The following TUT4 variants were observed in gnomAD, a reference collection of about 807,000 sequenced individuals.
TUT4 encodes terminal uridylyl transferase 4.
A neutral mutation model predicts 192.2 loss-of-function variants in TUT4; 36 were observed. That is an observed-to-expected ratio of 0.19 (90% CI 0.14 to 0.25). TUT4 has a LOEUF of 0.25. Ranked by LOEUF, TUT4 falls within the 10% of genes least tolerant of loss-of-function variation. The pLI, the probability that TUT4 is intolerant of heterozygous loss-of-function variation, is 1.00. For synonymous variants in TUT4, 618 were observed against 666.0 expected, an observed-to-expected ratio of 0.93 and a Z score of 1.11; for missense variants, 1,493 against 1,957.2, an observed-to-expected ratio of 0.76 and a Z score of 4.47.
intron 2 of TUT4, 68 bp from the exon 3 acceptor site, chr1:52,516,122 CA>C (rs1466720050): frequency 8.0e-7 from 1 of 1,246,396 alleles, no homozygotes; most frequent in Non-Finnish European, 1.1e-6. Flanking sequence ...TAATGGAAAA[CA>C]GACATTAAAT....
intron 3 of TUT4, among the ~76,000 whole-genome samples, chr1:52,510,976 A>T (rs1293072239): frequency 6.6e-6 from 1 of 152,218 alleles, no homozygotes; most frequent in African/African-American, 2.4e-5. Flanking sequence ...AAACTTTAGC[A>T]ATGCTTAGTT....
rs1666610953 is a variant in TUT4 at position 52,474,510 on chromosome 1, G to A, written c.2727+322C>T. Among the ~76,000 whole-genome samples, 4 of 151,790 alleles carry A rather than the reference G, an allele frequency of 2.6e-5. No individual in the cohort carries two copies. In the South Asian group the frequency reaches 8.3e-4, roughly 32 times the overall value. On this transcript the variant is annotated intron_variant, in intron 13 of 29. Transcript: ENST00000257177. ...AATAAGCTTGAATGTGGCTTTTGTT[G>A]GGGAAAAAAATACAAAATAAGCAAC...
chr1:52,462,682 G>A, intron 16 of TUT4: 1 of 974,520 alleles, frequency 1.0e-6, no homozygotes, highest in Non-Finnish European at 1.2e-6. Flanking sequence ...AAATCTGTGA[G>A]TTATTTATTA....
chr1:52,491,766 A>G (rs1671222697), intron 7 of TUT4, among the ~76,000 whole-genome samples: 1 of 151,070 alleles, frequency 6.6e-6, no homozygotes, highest in Non-Finnish European at 1.5e-5. Context: ...AAATTTCTCA[A>G]TAGTACTTGT....
At chr1:52,455,946 C>T (rs920486191) in intron 20 of TUT4, among the ~76,000 whole-genome samples, 18 of 152,298 alleles carry the variant, frequency 1.2e-4, no homozygotes, top group Middle Eastern at 3.4e-3. Flanking sequence ...CCTTCGTATT[C>T]ACCCAAAAGA....
chr1:52,548,066 A>T (rs1472675716), intron 1 of TUT4, among the ~76,000 whole-genome samples: 1 of 152,186 alleles, frequency 6.6e-6, no homozygotes, highest in Non-Finnish European at 1.5e-5. Flanking sequence ...TAGCCATCAA[A>T]GCAATAAAGT....
At chr1:52,459,025 A>G (rs1185708021) in intron 19 of TUT4, among the ~76,000 whole-genome samples, 4 of 152,184 alleles carry the variant, frequency 2.6e-5, no homozygotes, top group African/African-American at 9.7e-5. Flanking sequence ...TAAAAAAAGA[A>G]CGAAGTCCCC....
chr1:52,504,687 A>G (rs528838147), intron 4 of TUT4, among the ~76,000 whole-genome samples: 4 of 152,274 alleles, frequency 2.6e-5, no homozygotes, highest in African/African-American at 7.2e-5. Context: ...ACCAAATACT[A>G]TAACACAGAA....
chr1:52,552,643 G>A (rs533718132), intron 1 of TUT4, among the ~76,000 whole-genome samples: 1 of 152,332 alleles, frequency 6.6e-6, no homozygotes, highest in Non-Finnish European at 1.5e-5. Context: ...GGGACCGGGA[G>A]CCCCAGCCAC....
Position 52,425,402 on chromosome 1 carries a change from A to T in TUT4, c.4817T>A (p.Phe1606Tyr), listed in dbSNP as rs140648668. 2.5e-6 allele frequency: 4 copies of T among 1,613,956 alleles called. No individual in the cohort carries two copies. The highest frequency in any genetic ancestry group is 1.3e-5 in the African/African-American group (1 of 74,918). Residue 1606 changes from phenylalanine (F) to tyrosine (Y), a missense_variant, in exon 29 of 30, where the codon TTC becomes TAC. Around this residue, in one of 7 missense-constraint regions of TUT4, gnomAD observed 351 missense variants for 397.8 expected, o/e 0.88. Transcript: ENST00000257177. ...GAATCGGGCATTTCCCTGATGCATG[A>T]AGTTTTGATGCAAACCATAAGGCCA... ...ASWPYGLHQN[F>Y]MHQGNARFQP...
intron 2 of TUT4, 144 bp downstream of exon 2, chr1:52,525,419 G>T (rs1219480436): frequency 1.9e-6 from 2 of 1,070,120 alleles, no homozygotes; most frequent in African/African-American, 3.2e-5. Flanking sequence ...ATTAATGCAA[G>T]TATTATTAAT....
At chr1:52,501,446 G>A (rs1166107991) in intron 4 of TUT4, among the ~76,000 whole-genome samples, 1 of 151,632 alleles carries the variant, frequency 6.6e-6, no homozygotes, top group African/African-American at 2.4e-5. Flanking sequence ...GGGGGGGCGG[G>A]GGGAGGCAGA....
intron 20 of TUT4, among the ~76,000 whole-genome samples, chr1:52,447,473 AAAAC>A (rs1657883867): frequency 1.3e-5 from 2 of 151,402 alleles, no homozygotes; most frequent in Non-Finnish European, 2.9e-5. Context: ...AAAAAACAAA[AAAAC>A]AAAAAAAAAA....
intron 13 of TUT4, among the ~76,000 whole-genome samples, chr1:52,474,100 C>G (rs985539859): frequency 2.6e-5 from 4 of 152,118 alleles, no homozygotes; most frequent in Non-Finnish European, 5.9e-5. Context: ...CCCAGCTACT[C>G]AGGAGGCTGA....
chr1:52,547,261 A>C (rs540918963), intron 1 of TUT4, among the ~76,000 whole-genome samples: 1 of 151,550 alleles, frequency 6.6e-6, no homozygotes, highest in African/African-American at 2.4e-5. Flanking sequence ...TTTCCAAAGG[A>C]GATAGACAAA....
intron 9 of TUT4, among the ~76,000 whole-genome samples, chr1:52,485,135 A>G (rs1325538282): frequency 6.6e-6 from 1 of 152,188 alleles, no homozygotes; most frequent in Non-Finnish European, 1.5e-5. Context: ...GAATGCATGG[A>G]TTTGTTCAGA....
intron 15 of TUT4, among the ~76,000 whole-genome samples, chr1:52,467,502 C>T (rs1408737624): frequency 6.6e-6 from 1 of 152,106 alleles, no homozygotes; most frequent in East Asian, 1.9e-4. Context: ...CAAATCTGAC[C>T]ACTTCTCATC....
In TUT4 at chr1:52,423,737, G is replaced by A; in HGVS notation, c.*198C>T. On this transcript the variant is annotated 3_prime_UTR_variant, in exon 30 of 30. Transcript: ENST00000257177. ...TATTTATATACAAATAATACAGTCT[G>A]TAAAAACAGTCTTAGAATTTAAATA... The A allele has an allele frequency of 7.6e-7, 1 of 1,323,296 alleles. No homozygotes were observed. Among genetic ancestry groups the A allele is most frequent in the Non-Finnish European group, 1.0e-6 (1 of 967,122 alleles). 82.0% of individuals were successfully genotyped at this position (1,323,296 alleles called of 1,614,324 possible).
rs1266966124 is a variant in TUT4, at chr1:52,436,861, A to C, written c.4056T>G (p.Phe1352Leu). 6.2e-7 allele frequency: 1 copy of C among 1,613,374 alleles called. No individual in the cohort carries two copies. Among genetic ancestry groups the C allele is most frequent in the East Asian group, 2.2e-5 (1 of 44,816 alleles). ...DPRDLHDTRDFRDPRDLRCFI... is the reference protein window; with the variant it reads ...DPRDLHDTRDLRDPRDLRCFI... ...AACATCTGAGGTCTCTCGGGTCTCT[A>C]AAGTCTCGAGTATCGTGGAGGTCTC... Residue 1352 changes from phenylalanine to leucine, a missense_variant, in exon 26 of 30, where the codon TTT becomes TTG. Phe to Leu is a conservative substitution (Grantham distance 22). Around this residue, in one of 7 missense-constraint regions of TUT4, gnomAD observed 351 missense variants for 397.8 expected, o/e 0.88. Coordinates refer to ENST00000257177, the MANE Select transcript of TUT4 (RefSeq NM_001009881.3).
Sources: allele counts gnomAD v4.1 joint callset (sites outside exome capture counted in the v4.1 genomes callset), GRCh38; gene constraint gnomAD v4.1.1; regional missense constraint gnomAD v4.1.1; transcripts MANE v1.5; gene names NCBI Gene and HGNC (gene_info 2026-07-23, HGNC 2026-07-21).